Variants in NXPE2 observed in about 807,000 individuals in gnomAD.
NXPE2 encodes the protein neurexophilin and PC-esterase domain family member 2.
In NXPE2, 34 loss-of-function variants were observed where a neutral mutation model predicts 34.4. The observed-to-expected ratio is 0.99, with a 90% CI of 0.75 to 1.31. The LOEUF is 1.31. NXPE2 is among the 40% of genes most tolerant of loss of function. The pLI, the probability that NXPE2 is intolerant of heterozygous loss-of-function variation, is 0.00. For synonymous variants in NXPE2, 235 were observed against 231.3 expected (o/e 1.02, Z -0.15); for missense variants, 649 against 672.5 (o/e 0.97, Z 0.39).
At chr11:114,628,035 C>G in the NXPE2 span, among the ~76,000 whole-genome samples, 1 of 151,096 alleles carries the variant, frequency 6.6e-6, no homozygotes, top group African/African-American at 2.5e-5. Context: ...CCTGAGTGAC[C>G]TACAAAGAGA....
chr11:114,539,611 G>T, the NXPE2 span, among the ~76,000 whole-genome samples: 1 of 152,016 alleles, frequency 6.6e-6, no homozygotes, highest in South Asian at 2.1e-4. Flanking sequence ...AAAATTTTCT[G>T]TATTTCTAAT....
At chr11:114,791,628 T>A in the NXPE2 span, among the ~76,000 whole-genome samples, 55 of 152,124 alleles carry the variant, frequency 3.6e-4, 1 homozygote, top group Middle Eastern at 3.4e-3. Flanking sequence ...CTAGTATGAA[T>A]GAAAGAATGG....
At chr11:114,564,293 C>A in the NXPE2 span, among the ~76,000 whole-genome samples, 14 of 151,990 alleles carry the variant, frequency 9.2e-5, no homozygotes, top group Non-Finnish European at 1.5e-4. Flanking sequence ...ATCCAGTGAA[C>A]TTTGGGGACT....
chr11:114,732,387 T>A, the NXPE2 span, among the ~76,000 whole-genome samples: 2 of 152,238 alleles, frequency 1.3e-5, no homozygotes, highest in African/African-American at 2.4e-5. Context: ...CTTTTGCAAC[T>A]GCATTTCTGT....
At chr11:114,552,185 C>G in the NXPE2 span, 6 of 152,242 alleles carry the variant, frequency 3.9e-5, no homozygotes, top group South Asian at 1.2e-3. Context: ...AGATATAGTA[C>G]ACAGTTGCAA....
the NXPE2 span, among the ~76,000 whole-genome samples, chr11:114,651,251 T>C: frequency 1.3e-5 from 2 of 152,110 alleles, no homozygotes; most frequent in Non-Finnish European, 2.9e-5. Flanking sequence ...GATGTTCAGA[T>C]GTGTCCGGAG....
At chr11:114,701,653 G>A (rs1951367337) in intron 3 of NXPE2, among the ~76,000 whole-genome samples, 1 of 152,122 alleles carries the variant, frequency 6.6e-6, no homozygotes, top group East Asian at 1.9e-4. Flanking sequence ...CTATTGCTAA[G>A]CTCTAGGGTC....
At chr11:114,797,891 A>G in the NXPE2 span, among the ~76,000 whole-genome samples, 1 of 152,186 alleles carries the variant, frequency 6.6e-6, no homozygotes, top group African/African-American at 2.4e-5. Flanking sequence ...GAACTAGACA[A>G]GTCACTTAAA....
the NXPE2 span, among the ~76,000 whole-genome samples, chr11:114,639,661 C>G: frequency 7.2e-6 from 1 of 139,392 alleles, no homozygotes; most frequent in Admixed American, 7.7e-5. Flanking sequence ...ATATAATTTA[C>G]TTGTATTATA....
upstream of NXPE2, among the ~76,000 whole-genome samples, chr11:114,678,230 G>A (rs1008982565): frequency 5.3e-5 from 8 of 152,150 alleles, no homozygotes; most frequent in South Asian, 2.1e-4. Flanking sequence ...CTAATCCTAC[G>A]TGAAAACCAT....
At chr11:114,569,881 C>T in the NXPE2 span, among the ~76,000 whole-genome samples, 1 of 152,194 alleles carries the variant, frequency 6.6e-6, no homozygotes, top group Non-Finnish European at 1.5e-5. Context: ...AACAGCCTGT[C>T]TTCTTTCTGT....
chr11:114,651,424 CG>C, the NXPE2 span, among the ~76,000 whole-genome samples: 1 of 152,024 alleles, frequency 6.6e-6, no homozygotes, highest in Non-Finnish European at 1.5e-5. Flanking sequence ...CAAACGTTTG[CG>C]GTGAGTGTTA....
chr11:114,657,895 CTCAA>C, the NXPE2 span, among the ~76,000 whole-genome samples: 1 of 152,144 alleles, frequency 6.6e-6, no homozygotes, highest in Non-Finnish European at 1.5e-5. Flanking sequence ...CCATCATCTT[CTCAA>C]TCAAAGACGA....
the NXPE2 span, among the ~76,000 whole-genome samples, chr11:114,775,380 T>C: frequency 6.6e-6 from 1 of 152,146 alleles, no homozygotes; most frequent in Admixed American, 6.5e-5. Flanking sequence ...AGAAAGCAGT[T>C]GTTAGGGGGG....
the NXPE2 span, among the ~76,000 whole-genome samples, chr11:114,504,351 C>T: frequency 5.3e-5 from 8 of 152,258 alleles, no homozygotes; most frequent in East Asian, 1.5e-3. Context: ...ACAGAGAAGG[C>T]ATCCAGACCT....
Position 114,705,822 on chromosome 11 carries a change from A to G in NXPE2, c.970A>G (p.Thr324Ala). ...AAAGAACTGCCAGATTGGAATGAAG[A>G]CTCCTTTCCCCAGTGGTTATACTTT... ...IKKNCQIGMK[T>A]PFPSGYTLKK... Residue 324 changes from threonine (T) to alanine (A), a missense_variant, in exon 5 of 6, where the codon ACT (threonine) becomes GCT (alanine). By Grantham distance (58) the Thr-to-Ala change is moderately conservative (BLOSUM62 0). Transcript: ENST00000389586. 1.3e-6 allele frequency: 2 copies of G among 1,524,792 alleles called. No homozygotes were observed. Among genetic ancestry groups the G allele is most frequent in the Non-Finnish European group, 8.8e-7 (1 of 1,135,430 alleles). The allele number at this position is 1,524,792 out of a possible 1,614,324, so 94.5% of individuals were successfully genotyped here.
chr11:114,515,903 G>A, the NXPE2 span, among the ~76,000 whole-genome samples: 1 of 152,196 alleles, frequency 6.6e-6, no homozygotes, highest in Non-Finnish European at 1.5e-5. Context: ...AATTGATTTA[G>A]AGGGGACCTA....
chr11:114,611,362 G>T, the NXPE2 span, among the ~76,000 whole-genome samples: 1 of 151,720 alleles, frequency 6.6e-6, no homozygotes, highest in Non-Finnish European at 1.5e-5. Context: ...CTGTTACCCG[G>T]TGGATAATAA....
the NXPE2 span, among the ~76,000 whole-genome samples, chr11:114,587,549 G>A: frequency 6.6e-6 from 1 of 152,218 alleles, no homozygotes; most frequent in Non-Finnish European, 1.5e-5. Flanking sequence ...AGAGTCACAT[G>A]GGTGAGCATG....
Sources: gnomAD v4.1 joint callset for allele counts (sites outside exome capture counted in the v4.1 genomes callset) on GRCh38, gnomAD v4.1.1 for gene constraint, MANE v1.5 for transcripts, NCBI Gene and HGNC (gene_info 2026-07-23, HGNC 2026-07-21) for gene names.